PCSK6: variants seen among roughly 807,000 people sequenced by gnomAD.
PCSK6 encodes the protein proprotein convertase subtilisin/kexin type 6, also known as paired basic amino acid cleaving enzyme 4.
A neutral mutation model predicts 123.3 loss-of-function variants in PCSK6; 85 were observed. The observed-to-expected ratio is 0.69, with a 90% CI of 0.58 to 0.83. The LOEUF (loss-of-function observed/expected upper bound fraction) is 0.83. Ranked by LOEUF, PCSK6 falls within the 40% of genes least tolerant of loss-of-function variation. PCSK6 has a pLI of 0.00. For missense variants in PCSK6, 1,191 were observed against 1,282.3 expected, an observed-to-expected ratio of 0.93 and a Z score of 1.09; for synonymous variants, 508 against 516.0, an observed-to-expected ratio of 0.98 and a Z score of 0.21.
intron 19 of PCSK6, among the ~76,000 whole-genome samples, chr15:101,317,883 C>T (rs1031385621): frequency 1.3e-5 from 2 of 152,142 alleles, no homozygotes; most frequent in Non-Finnish European, 2.9e-5. Flanking sequence ...TTGTGGAGAA[C>T]GGGGTCTCAC....
chr15:101,375,446 T>C (rs781284567), intron 11 of PCSK6, among the ~76,000 whole-genome samples: 2 of 152,210 alleles, frequency 1.3e-5, no homozygotes, highest in Non-Finnish European at 2.9e-5. Flanking sequence ...GGGGACTGAA[T>C]TAGCTGGCTT....
At chr15:101,379,681 AC>A (rs1018025359) in intron 11 of PCSK6, among the ~76,000 whole-genome samples, 10 of 152,202 alleles carry the variant, frequency 6.6e-5, no homozygotes, top group Non-Finnish European at 1.2e-4. Flanking sequence ...ACAAACGTGC[AC>A]GGAGAGGGGG....
intron 1 of PCSK6, among the ~76,000 whole-genome samples, chr15:101,456,752 G>A (rs950223328): frequency 3.9e-5 from 6 of 152,148 alleles, no homozygotes; most frequent in Non-Finnish European, 5.9e-5. Flanking sequence ...CTCGTCTTTC[G>A]AGGCAAGATG....
chr15:101,358,162 T>C (rs2041102420), intron 13 of PCSK6, among the ~76,000 whole-genome samples: 1 of 152,104 alleles, frequency 6.6e-6, no homozygotes, highest in Admixed American at 6.5e-5. Flanking sequence ...AGGCCAGCCC[T>C]GAGAAGTCTC....
chr15:101,318,675 A>C (rs996789909), intron 18 of PCSK6, among the ~76,000 whole-genome samples: 1 of 152,250 alleles, frequency 6.6e-6, no homozygotes, highest in African/African-American at 2.4e-5. Flanking sequence ...TCCTTGACCC[A>C]GTGATAGCTT....
At chr15:101,357,651 G>T (rs886960983) in intron 13 of PCSK6, among the ~76,000 whole-genome samples, 1 of 152,246 alleles carries the variant, frequency 6.6e-6, no homozygotes, top group African/African-American at 2.4e-5. Context: ...CGGCCGTCCT[G>T]CCCACCTGGC....
At chr15:101,325,934 C>T (rs1266728902) in intron 16 of PCSK6, among the ~76,000 whole-genome samples, 1 of 152,192 alleles carries the variant, frequency 6.6e-6, no homozygotes, top group Admixed American at 6.5e-5. Context: ...TCTGTGAAAG[C>T]CCCACACCCA....
At position 101,313,468 on chromosome 15, in the gene PCSK6, G is replaced by A. The variant is rs1567136882; in HGVS notation, c.2607C>T (p.Asn869=). The change falls in exon 20 of 22, where the codon AAC becomes AAT. Residue 869 remains asparagine (N), a synonymous_variant. Coordinates refer to ENST00000611716, the MANE Select transcript of PCSK6 (RefSeq NM_002570.5). ...GREECIHCAK[N]FHFHDWKCVP... is the part of the protein sequence containing the mutation. ...CACACTTCCAGTCGTGGAAGTGGAA[G>A]TTTTTCGCACAGTGAATGCACTCTT... 1 of 1,610,532 alleles carries A rather than the reference G, an allele frequency of 6.2e-7. No homozygotes were observed. Among genetic ancestry groups the A allele is most frequent in the Non-Finnish European group, 8.5e-7 (1 of 1,179,790 alleles).
At position 101,305,139 on chromosome 15, in the gene PCSK6, G is replaced by A; in HGVS notation, c.*119C>T. Reference sequence around the variant, plus strand: ...GGTGCTCAGAGATGCTGCTCCTGGGGAGATAAAGCTGTCAGGTGCAGGGCG... The same window carrying A: ...GGTGCTCAGAGATGCTGCTCCTGGGAAGATAAAGCTGTCAGGTGCAGGGCG... On this transcript the variant is annotated 3_prime_UTR_variant, in exon 22 of 22. Transcript: ENST00000611716. The surrounding 1 kb of genome is among the most constrained non-coding windows in gnomAD (Gnocchi z 4.8). 1.2e-6 allele frequency: 1 copy of A among 803,672 alleles called. No homozygotes were observed. Among genetic ancestry groups the A allele is most frequent in the Non-Finnish European group, 2.0e-6 (1 of 492,006 alleles). 49.8% of individuals were successfully genotyped at this position (803,672 alleles called of 1,614,324 possible).
chr15:101,405,988 C>A (rs1307361302), intron 6 of PCSK6, among the ~76,000 whole-genome samples: 1 of 152,208 alleles, frequency 6.6e-6, no homozygotes, highest in Non-Finnish European at 1.5e-5. Context: ...AGTGATCTGC[C>A]CACCTCGGCC....
intron 6 of PCSK6, among the ~76,000 whole-genome samples, chr15:101,417,731 A>G (rs1399252356): frequency 6.6e-6 from 1 of 152,164 alleles, no homozygotes; most frequent in African/African-American, 2.4e-5. Context: ...AGAACACAGC[A>G]ACAACAAATT....
intron 20 of PCSK6, among the ~76,000 whole-genome samples, chr15:101,309,866 G>A (rs544759037): frequency 6.6e-6 from 1 of 151,756 alleles, no homozygotes; most frequent in Non-Finnish European, 1.5e-5. Context: ...ATCGTGCATT[G>A]TTCTCAGCGT....
At chr15:101,431,921 A>T (rs937686032) in intron 3 of PCSK6, 69 bp downstream of exon 3, 6 of 1,122,468 alleles carry the variant, frequency 5.3e-6, no homozygotes. Context: ...TTGTTGAGGG[A>T]AATTAACCCA....
intron 13 of PCSK6, among the ~76,000 whole-genome samples, chr15:101,354,721 G>A (rs11247285): frequency 0.022 from 3,405 of 152,244 alleles, 69 homozygotes; most frequent in African/African-American, 0.058. Context: ...ATGAGTCCCC[G>A]TGCCCCATCA....
chr15:101,346,906 C>T (rs1453846233), intron 13 of PCSK6: 1 of 1,231,532 alleles, frequency 8.1e-7, no homozygotes, highest in Non-Finnish European at 1.0e-6. Context: ...AGTGGGGATA[C>T]ATACTTCTTT....
At chr15:101,488,839 T>G (rs2058084686) in intron 1 of PCSK6, among the ~76,000 whole-genome samples, 1 of 149,980 alleles carries the variant, frequency 6.7e-6, no homozygotes, top group African/African-American at 2.5e-5. Flanking sequence ...GGAGCGCGAG[T>G]CCCCGAGACG....
At chr15:101,415,854 G>A (rs1327880011) in intron 6 of PCSK6, among the ~76,000 whole-genome samples, 3 of 152,228 alleles carry the variant, frequency 2.0e-5, no homozygotes, top group South Asian at 2.1e-4. Flanking sequence ...TATAAGAAGT[G>A]GCTTTCGCCT....
chr15:101,427,546 G>A (rs2056299739), intron 6 of PCSK6, among the ~76,000 whole-genome samples: 1 of 152,222 alleles, frequency 6.6e-6, no homozygotes, highest in Admixed American at 6.5e-5. Context: ...CACTCTGTCT[G>A]GGAAGTGACG....
chr15:101,434,715 G>T (rs1232038334), intron 2 of PCSK6, among the ~76,000 whole-genome samples: 1 of 152,222 alleles, frequency 6.6e-6, no homozygotes, highest in African/African-American at 2.4e-5. Context: ...ACCGAACACT[G>T]TACAACAGAT....
Sources: gnomAD v4.1 joint callset for allele counts (sites outside exome capture counted in the v4.1 genomes callset) on GRCh38, gnomAD v4.1.1 for gene constraint, Gnocchi (gnomAD v3.1) non-coding constraint, MANE v1.5 for transcripts, NCBI Gene and HGNC (gene_info 2026-07-23, HGNC 2026-07-21) for gene names.